Variants in DNAJA2 observed in about 807,000 individuals in gnomAD.
DNAJA2 encodes DnaJ heat shock protein family (Hsp40) member A2, also known as dnaJ homolog subfamily A member 2.
A neutral mutation model predicts 49.3 loss-of-function variants in DNAJA2; 6 were observed. The observed-to-expected ratio is 0.12, with a 90% CI of 0.07 to 0.24. DNAJA2 has a LOEUF of 0.24. Among genes scored for constraint, DNAJA2 ranks in the 10% least tolerant of loss-of-function variants. The pLI is 1.00. For missense variants in DNAJA2, 347 were observed against 516.8 expected (o/e 0.67, Z 3.19); for synonymous variants, 160 against 172.7 (o/e 0.93, Z 0.58).
At chr16:46,960,742 G>A (rs2143644177) in intron 6 of DNAJA2, among the ~76,000 whole-genome samples, 1 of 152,084 alleles carries the variant, frequency 6.6e-6, no homozygotes, top group East Asian at 1.9e-4. Flanking sequence ...TCACACCACT[G>A]CACTCCAGCC....
At chr16:46,973,419 C>T (rs1452736317) in intron 1 of DNAJA2, 76 bp downstream of exon 1, 6 of 1,403,590 alleles carry the variant, frequency 4.3e-6, no homozygotes, top group Admixed American at 2.5e-5. Flanking sequence ...CCCAGTAGCG[C>T]GGCCTGGCTG....
chr16:46,964,751 TA>T lies in DNAJA2; in HGVS notation c.633del (p.Glu213LysfsTer9), dbSNP rs1567353674. ...RCKKCEGKKV[I>X]KEVKILEVHV... Reference sequence around the variant, plus strand: ...TGGACTTCAAGAATCTTGACTTCTTTAATCACCTTCTTCCCTTCACATTTTT... The same window carrying T: ...TGGACTTCAAGAATCTTGACTTCTTTATCACCTTCTTCCCTTCACATTTTT... On this transcript the variant is annotated frameshift_variant, in exon 6 of 9. Transcript: ENST00000317089. LOFTEE classifies it high-confidence loss of function. 6.2e-7 allele frequency: 1 copy of T among 1,614,162 alleles called. No individual in the cohort carries two copies. The highest frequency in any genetic ancestry group is 1.3e-5 in the African/African-American group (1 of 75,028).
chr16:46,971,595 A>C, intron 2 of DNAJA2, 23 bp from the exon 3 acceptor site: 1 of 1,495,258 alleles, frequency 6.7e-7, no homozygotes. Flanking sequence ...GGTAAAAATA[A>C]AAATAATTGC....
In DNAJA2 at chr16:46,956,072, T is replaced by C. The variant is rs1417030095; in HGVS notation, c.*957A>G. ...GAAAACAGAGGATTTGAACACGTTC[T>C]ATGCAGACATGGTTTTACTATAGAT... On this transcript the variant is annotated 3_prime_UTR_variant, in exon 9 of 9. Transcript: ENST00000317089. The C allele has an allele frequency of 6.6e-6, 1 of 152,246 alleles. No homozygotes were observed. Among genetic ancestry groups the C allele is most frequent in the Non-Finnish European group, 1.5e-5 (1 of 68,042 alleles). The allele number at this position is 152,246 out of a possible 1,614,324, so 9.4% of individuals were successfully genotyped here.
intron 6 of DNAJA2, among the ~76,000 whole-genome samples, chr16:46,962,838 CCT>C (rs971466294): frequency 1.3e-5 from 2 of 152,034 alleles, no homozygotes; most frequent in Admixed American, 6.6e-5. Context: ...ACTAGCATGC[CCT>C]GATTGTCCAG....
At chr16:46,959,757 G>A (rs1261976334) in intron 6 of DNAJA2, 3 of 203,970 alleles carry the variant, frequency 1.5e-5, no homozygotes, top group Non-Finnish European at 3.0e-5. Context: ...AATGCCCAGA[G>A]GGCTCCTACA....
At chr16:46,964,972 C>T (rs1961948055) in intron 5 of DNAJA2, among the ~76,000 whole-genome samples, 165 bp from the exon 6 acceptor site, 2 of 152,176 alleles carry the variant, frequency 1.3e-5, no homozygotes, top group African/African-American at 4.8e-5. Flanking sequence ...GCAATCCCAG[C>T]ATTTTGCGAG....
At chr16:46,971,808 T>G in intron 2 of DNAJA2, 88 bp downstream of exon 2, 1 of 1,259,694 alleles carries the variant, frequency 7.9e-7, no homozygotes. Flanking sequence ...ATAGTTGGAT[T>G]TTTTTCCTGC....
chr16:46,966,086 TG>T (rs1332704868), intron 5 of DNAJA2, among the ~76,000 whole-genome samples: 2 of 151,998 alleles, frequency 1.3e-5, no homozygotes, highest in Non-Finnish European at 2.9e-5. Flanking sequence ...TAGCTGGGCG[TG>T]GTGGCAAGCA....
chr16:46,956,789 G>A lies in DNAJA2; in HGVS notation c.*240C>T, dbSNP rs1196689699. 11 of 419,184 alleles carry A rather than the reference G, an allele frequency of 2.6e-5. No homozygotes were observed. Among genetic ancestry groups the A allele is most frequent in the Non-Finnish European group, 4.7e-5 (11 of 235,068 alleles). 26.0% of individuals were successfully genotyped at this position (419,184 alleles called of 1,614,324 possible). A position where few individuals can be genotyped will look rare whatever the true frequency, so the allele number is the denominator to read the frequency against. On this transcript the variant is annotated 3_prime_UTR_variant, in exon 9 of 9. Coordinates refer to ENST00000317089, the MANE Select transcript of DNAJA2 (RefSeq NM_005880.4). ...CTTATAATAATCCATGTGTGAAAGG[G>A]AGTCTTGTTTCCTTTCAAGTGCTTT...
intron 6 of DNAJA2, 146 bp downstream of exon 6, chr16:46,964,465 C>T (rs1404078131): frequency 7.1e-6 from 5 of 702,282 alleles, no homozygotes; most frequent in South Asian, 4.2e-5. Flanking sequence ...TACACAAGCC[C>T]GTCTTAGGAA....
intron 1 of DNAJA2, chr16:46,972,426 G>C (rs2143665415): frequency 6.5e-6 from 1 of 153,744 alleles, no homozygotes; most frequent in African/African-American, 2.4e-5. Flanking sequence ...TCATGAAAAA[G>C]TAAAGGTGGT....
chr16:46,972,839 C>T (rs948719497), intron 1 of DNAJA2: 7 of 152,274 alleles, frequency 4.6e-5, no homozygotes, highest in African/African-American at 1.4e-4. Context: ...GGGACCACGG[C>T]TTATTCCTAA....
intron 8 of DNAJA2, chr16:46,958,784 A>T (rs970691501): frequency 4.6e-4 from 203 of 441,906 alleles, no homozygotes; most frequent in African/African-American, 2.3e-3. Flanking sequence ...GTCTCAAAAA[A>T]TTTTTTTTAA....
intron 6 of DNAJA2, among the ~76,000 whole-genome samples, chr16:46,962,645 T>G (rs1362406): frequency 0.85 from 129,927 of 152,204 alleles, 57,105 homozygotes; most frequent in East Asian, 0.98. Flanking sequence ...AACAAGGAAG[T>G]AGCTAAAATG....
At chr16:46,967,105 G>GC (rs1012173317) in intron 5 of DNAJA2, among the ~76,000 whole-genome samples, 1 of 151,828 alleles carries the variant, frequency 6.6e-6, no homozygotes, top group Non-Finnish European at 1.5e-5. Context: ...TTTATTTTTT[G>GC]CAACAGGGTC....
chr16:46,960,971 C>T (rs1444831814), intron 6 of DNAJA2, among the ~76,000 whole-genome samples: 1 of 152,056 alleles, frequency 6.6e-6, no homozygotes, highest in African/African-American at 2.4e-5. Context: ...CCAGCCACTG[C>T]ACTCCAGCCT....
intron 6 of DNAJA2, among the ~76,000 whole-genome samples, chr16:46,964,112 G>A (rs971204378): frequency 1.3e-5 from 2 of 152,000 alleles, no homozygotes; most frequent in Admixed American, 6.6e-5. Context: ...GGTGGCTCCC[G>A]CTTTTAATCC....
intron 5 of DNAJA2, among the ~76,000 whole-genome samples, chr16:46,967,071 G>A (rs1961982382): frequency 6.6e-6 from 1 of 152,158 alleles, no homozygotes; most frequent in Admixed American, 6.6e-5. Context: ...GCATAATGGA[G>A]TAATTACTTT....
Sources: allele counts gnomAD v4.1 joint callset (sites outside exome capture counted in the v4.1 genomes callset), GRCh38; gene constraint gnomAD v4.1.1; transcripts MANE v1.5; gene names NCBI Gene and HGNC (gene_info 2026-07-23, HGNC 2026-07-21).